Variants in VCAN observed in about 807,000 individuals in gnomAD.
VCAN encodes the protein versican, also known as versican core protein.
Under a neutral mutation model 245.5 loss-of-function variants are expected in VCAN, and 44 were observed. The observed-to-expected ratio is 0.18, with a 90% CI of 0.14 to 0.23. VCAN has a LOEUF of 0.23. VCAN is among the 10% of genes least tolerant of loss of function. The probability of loss-of-function intolerance (pLI) is 1.00; values close to 1 mark genes in which losing one functional copy is unlikely to be tolerated. For missense variants in VCAN, 3,793 were observed against 4,057.9 expected (o/e 0.93, Z 1.77); for synonymous variants, 1,413 against 1,437.0 (o/e 0.98, Z 0.38).
Position 83,493,609 on chromosome 5 carries a change from A to C in VCAN, c.509A>C (p.Lys170Thr). Residue 170 changes from lysine to threonine, a missense_variant, in exon 4 of 15, where the codon AAG becomes ACG. By Grantham distance (78) the Lys-to-Thr change is moderately conservative. Transcript: ENST00000265077. The part of the protein sequence containing the change: ...RYTLNFEAAQ[K>T]ACLDVGAVIA... ...ACACTGAATTTTGAGGCTGCTCAGA[A>C]GGCTTGTTTGGACGTTGGGGCAGTC... is the stretch of plus-strand genomic sequence containing the variant. 6.2e-7 allele frequency: 1 copy of C among 1,614,058 alleles called. No individual in the cohort carries two copies. Among genetic ancestry groups the C allele is most frequent in the Non-Finnish European group, 8.5e-7 (1 of 1,180,008 alleles).
At position 83,519,907 on chromosome 5, in the gene VCAN, A is replaced by C; in HGVS notation, c.1601A>C (p.Lys534Thr). Residue 534 changes from lysine (K) to threonine (T), a missense_variant, in exon 7 of 15, where the codon AAA becomes ACA. Physicochemically the swap from Lys to Thr is moderately conservative, Grantham distance 78. Transcript: ENST00000265077. ...RMILESKTEK[K>T]MVSTVSELVT... The stretch of plus-strand genomic sequence containing the variant: ...ATCCTGGAATCCAAAACTGAAAAGA[A>C]AATGGTAAGCACTGTTTCTGAATTG... 6.2e-7 allele frequency: 1 copy of C among 1,614,160 alleles called. No homozygotes were observed. Among genetic ancestry groups the C allele is most frequent in the Non-Finnish European group, 8.5e-7 (1 of 1,179,976 alleles).
At chr5:83,472,995 C>T (rs1019706928) in intron 1 of VCAN, among the ~76,000 whole-genome samples, 1 of 152,232 alleles carries the variant, frequency 6.6e-6, no homozygotes, top group East Asian at 1.9e-4. Context: ...TCAGTCCTCT[C>T]GCCCAGACTA....
In VCAN at chr5:83,580,578, A is replaced by T; in HGVS notation, c.*144A>T. On this transcript the variant is annotated 3_prime_UTR_variant, in exon 15 of 15. Transcript: ENST00000265077. ...GTCATTTTGGGTTGCCGTGCTCCCAAAACATTTTAAATGAAAGTATTGGCA... is the reference window on the plus strand; with the variant it reads ...GTCATTTTGGGTTGCCGTGCTCCCATAACATTTTAAATGAAAGTATTGGCA... The T allele has an allele frequency of 3.3e-6, 4 of 1,213,108 alleles. No homozygotes were observed. The South Asian group carries it at 5.2e-5, about 16-fold the overall frequency. 75.1% of individuals were successfully genotyped at this position (1,213,108 alleles called of 1,614,324 possible).
chr5:83,581,239 C>T lies in VCAN; in HGVS notation c.*805C>T, dbSNP rs1449685782. Reference sequence around the variant, plus strand: ...TTTAATGGCTTTCATAACACTAACTCATAAGGTTACCGATCAATGCATTTC... The same window carrying T: ...TTTAATGGCTTTCATAACACTAACTTATAAGGTTACCGATCAATGCATTTC... On this transcript the variant is annotated 3_prime_UTR_variant, in exon 15 of 15. Coordinates refer to ENST00000265077, the MANE Select transcript of VCAN (RefSeq NM_004385.5). 1 of 146,820 alleles carries T rather than the reference C, an allele frequency of 6.8e-6. No individual in the cohort carries two copies. 9.1% of individuals were successfully genotyped at this position (146,820 alleles called of 1,614,324 possible).
chr5:83,568,704 T>C (rs1241098228), intron 12 of VCAN, among the ~76,000 whole-genome samples: 3 of 152,202 alleles, frequency 2.0e-5, no homozygotes, highest in Non-Finnish European at 4.4e-5. Flanking sequence ...TTGTATTTTT[T>C]GTGAGAAATG....
chr5:83,486,749 T>C (rs562516728), intron 2 of VCAN, among the ~76,000 whole-genome samples: 1 of 152,378 alleles, frequency 6.6e-6, no homozygotes, highest in South Asian at 2.1e-4. Context: ...TCTGCATGTC[T>C]TTACCTATTC....
At chr5:83,570,403 AG>A (rs1748244164) in intron 12 of VCAN, among the ~76,000 whole-genome samples, 1 of 152,212 alleles carries the variant, frequency 6.6e-6, no homozygotes, top group African/African-American at 2.4e-5. Context: ...AGGACTTTAA[AG>A]TAAAGCTAAA....
At chr5:83,500,449 A>G (rs1745297853) in intron 5 of VCAN, among the ~76,000 whole-genome samples, 1 of 152,208 alleles carries the variant, frequency 6.6e-6, no homozygotes, top group South Asian at 2.1e-4. Flanking sequence ...TGATGTCCTT[A>G]TACAGTGTAG....
At position 83,519,664 on chromosome 5, in the gene VCAN, C is replaced by T; in HGVS notation, c.1358C>T (p.Ser453Leu). Residue 453 changes from serine to leucine, a missense_variant, in exon 7 of 15, where the codon TCA (serine) becomes TTA (leucine). Around this residue, in one of 5 missense-constraint regions of VCAN, gnomAD observed 3,182 missense variants for 3,250.3 expected, o/e 0.98. Transcript: ENST00000265077. ...GGACCTCTTGGAAAGCTAGACATAT[C>T]AGAAATTAAGGAAGAAGTGCTCCAG... is the stretch of plus-strand genomic sequence containing the variant. ...ASGPLGKLDI[S>L]EIKEEVLQST... The T allele has an allele frequency of 6.2e-7, 1 of 1,614,130 alleles. No individual in the cohort carries two copies.
At chr5:83,579,660 A>G (rs1748600488) in intron 13 of VCAN, among the ~76,000 whole-genome samples, 1 of 152,202 alleles carries the variant, frequency 6.6e-6, no homozygotes, top group African/African-American at 2.4e-5. Context: ...AGGGACGGTG[A>G]TGAAGACAGT....
At chr5:83,556,249 A>G (rs973374308) in intron 12 of VCAN, among the ~76,000 whole-genome samples, 14 of 152,292 alleles carry the variant, frequency 9.2e-5, no homozygotes, top group East Asian at 1.9e-4. Flanking sequence ...AGGTTGAGCT[A>G]TTTGCCTGGA....
At chr5:83,545,715 T>G in intron 9 of VCAN, 65 bp downstream of exon 9, 2 of 1,222,458 alleles carry the variant, frequency 1.6e-6, no homozygotes, top group Non-Finnish European at 2.4e-6. Flanking sequence ...GGAGAATTTA[T>G]GTTGTCGAAT....
intron 11 of VCAN, among the ~76,000 whole-genome samples, chr5:83,554,619 AC>A: frequency 6.6e-6 from 1 of 152,250 alleles, no homozygotes; most frequent in South Asian, 2.1e-4. Flanking sequence ...AAAAACAACA[AC>A]AACAAAAAAA....
intron 13 of VCAN, among the ~76,000 whole-genome samples, chr5:83,574,962 G>A (rs1195560944): frequency 6.6e-6 from 1 of 152,078 alleles, no homozygotes; most frequent in Non-Finnish European, 1.5e-5. Flanking sequence ...TAGAAATTCT[G>A]TAAAATATTT....
chr5:83,544,986 C>G (rs774201977), intron 8 of VCAN: 1 of 165,408 alleles, frequency 6.0e-6, no homozygotes, highest in Non-Finnish European at 1.3e-5. Flanking sequence ...ACATTTGGAA[C>G]GTGTTTTTGG....
In VCAN at chr5:83,539,879, T is replaced by G. The variant is rs1370773237; in HGVS notation, c.6876T>G (p.Ser2292Arg). Residue 2292 changes from serine to arginine, a missense_variant, in exon 8 of 15, where the codon AGT (serine) becomes AGG (arginine). Ser to Arg is a moderately radical substitution (Grantham distance 110). This residue lies in a region of VCAN where 3,182 missense variants were observed against 3,250.3 expected (regional missense o/e 0.98). Transcript: ENST00000265077. ...TLYPHTSQVESTSSDKIEDFN... is the reference protein window; with the variant it reads ...TLYPHTSQVERTSSDKIEDFN... ...ATCCCCACACTTCTCAAGTGGAAAG[T>G]ACCTCAAGTGACAAAATTGAAGACT... The G allele has an allele frequency of 6.2e-7, 1 of 1,614,048 alleles. No homozygotes were observed. Among genetic ancestry groups the G allele is most frequent in the Non-Finnish European group, 8.5e-7 (1 of 1,179,980 alleles).
In VCAN at chr5:83,541,756, C is replaced by T. The variant is rs376374957; in HGVS notation, c.8753C>T (p.Thr2918Ile). 7.4e-6 allele frequency: 12 copies of T among 1,614,050 alleles called. No individual in the cohort carries two copies. The highest frequency in any genetic ancestry group is 1.0e-5 in the Non-Finnish European group (12 of 1,180,002). Residue 2918 changes from threonine to isoleucine, a missense_variant, in exon 8 of 15, where the codon ACA becomes ATA. By Grantham distance (89) the Thr-to-Ile change is moderately conservative. This residue lies in a region of VCAN where 3,182 missense variants were observed against 3,250.3 expected (regional missense o/e 0.98). Coordinates refer to ENST00000265077, the MANE Select transcript of VCAN (RefSeq NM_004385.5). ...TTAGAAGAAATGGAAGCTTCTCCCA[C>T]AGAACTTATTGCTGTGGAAGGAACT... Reference protein sequence around the residue: ...ELLEEMEASPTELIAVEGTEI... With the variant: ...ELLEEMEASPIELIAVEGTEI...
intron 2 of VCAN, among the ~76,000 whole-genome samples, chr5:83,487,723 G>C (rs1580600458): frequency 6.6e-6 from 1 of 152,012 alleles, no homozygotes. Context: ...ATCTAGAACA[G>C]TAAACAACCC....
rs746325639 is a variant in VCAN at position 83,541,659 on chromosome 5, A to G, written c.8656A>G (p.Ile2886Val). Residue 2886 changes from isoleucine to valine, a missense_variant, in exon 8 of 15, where the codon ATA (isoleucine) becomes GTA (valine). By Grantham distance (29) the Ile-to-Val change is conservative. This residue lies in a region of VCAN where 3,182 missense variants were observed against 3,250.3 expected (regional missense o/e 0.98). Coordinates refer to ENST00000265077, the MANE Select transcript of VCAN (RefSeq NM_004385.5). ...ACCATCAAGTGAGGAATACCTTCAC[A>G]TAACTGAGCCTCCCTCTTTATCTCC... ...FKPSSEEYLH[I>V]TEPPSLSPDT... 43 of 1,613,830 alleles carry G rather than the reference A, an allele frequency of 2.7e-5. No individual in the cohort carries two copies. The highest frequency in any genetic ancestry group is 3.6e-5 in the Non-Finnish European group (42 of 1,180,016).
Sources: allele counts gnomAD v4.1 joint callset (sites outside exome capture counted in the v4.1 genomes callset), GRCh38; gene constraint gnomAD v4.1.1; regional missense constraint gnomAD v4.1.1; transcripts MANE v1.5; gene names NCBI Gene and HGNC (gene_info 2026-07-23, HGNC 2026-07-21).